The following PPP4R1 variants were observed in gnomAD, a reference collection of about 807,000 sequenced individuals.
PPP4R1 encodes the protein serine/threonine-protein phosphatase 4 regulatory subunit 1.
A neutral mutation model predicts 111.2 loss-of-function variants in PPP4R1; 42 were observed. That is an observed-to-expected ratio of 0.38 (90% confidence interval 0.29 to 0.49). PPP4R1 has a LOEUF of 0.49. PPP4R1 is among the 20% of genes least tolerant of loss of function. PPP4R1 has a pLI of 0.97. For missense variants in PPP4R1, 1,012 were observed against 1,161.6 expected (o/e 0.87, Z 1.87); for synonymous variants, 409 against 405.5 (o/e 1.01, Z -0.10).
intron 14 of PPP4R1, among the ~76,000 whole-genome samples, chr18:9,557,829 A>G (rs2066612447): frequency 6.6e-6 from 1 of 152,170 alleles, no homozygotes. Context: ...AGCACTAAGC[A>G]CATGCTAGAA....
chr18:9,566,648 GACACACACACAC>G (rs56772611), intron 11 of PPP4R1, among the ~76,000 whole-genome samples: 11,345 of 144,174 alleles, frequency 0.079, 620 homozygotes, highest in African/African-American at 0.16. Context: ...GAGGCGCTGT[GACACACACACAC>G]ACACACACAC....
intron 12 of PPP4R1, 53 bp from the exon 13 acceptor site, chr18:9,562,128 TTAAGCTATCTTAC>T: frequency 7.5e-7 from 1 of 1,325,346 alleles, no homozygotes. Context: ...ACATCTTCAT[TTAAGCTATCTTAC>T]TAAGTTACTT....
At chr18:9,605,832 T>C (rs2067472739) in intron 2 of PPP4R1, among the ~76,000 whole-genome samples, 1 of 152,144 alleles carries the variant, frequency 6.6e-6, no homozygotes. Context: ...ATTTCATTAC[T>C]ATGATTGTAA....
chr18:9,579,110 T>C (rs1301073191), intron 9 of PPP4R1, among the ~76,000 whole-genome samples: 2 of 152,192 alleles, frequency 1.3e-5, no homozygotes, highest in African/African-American at 4.8e-5. Flanking sequence ...TTCTTCAGTG[T>C]TACCCTATAG....
chr18:9,552,843 T>C (rs1197666011), intron 16 of PPP4R1, among the ~76,000 whole-genome samples: 1 of 152,174 alleles, frequency 6.6e-6, no homozygotes, highest in Non-Finnish European at 1.5e-5. Flanking sequence ...CAGGTTCAGC[T>C]AGAGGATACA....
chr18:9,596,527 T>C (rs1242180578), intron 2 of PPP4R1, among the ~76,000 whole-genome samples: 1 of 152,216 alleles, frequency 6.6e-6, no homozygotes, highest in Non-Finnish European at 1.5e-5. Flanking sequence ...CCAGGATATT[T>C]CCAGGCACAA....
In PPP4R1 at chr18:9,557,326, T is replaced by A; in HGVS notation, c.2085A>T (p.Gly695=). The A allele has an allele frequency of 6.2e-7, 1 of 1,611,280 alleles. No homozygotes were observed. Among genetic ancestry groups the A allele is most frequent in the Non-Finnish European group, 8.5e-7 (1 of 1,179,290 alleles). ...CCAGATCTGCAGCTGTCAATTGATC[T>A]CCAAGAATAACTGCAAGCTCGTGGA... ...FSIHELAVIL[G]DQLTAADLVP... Residue 695 remains glycine, a synonymous_variant, in exon 15 of 20, where the codon GGA becomes GGT. Coordinates refer to ENST00000400556, the MANE Select transcript of PPP4R1 (RefSeq NM_001042388.3).
chr18:9,551,868 G>C (rs1180888669), intron 16 of PPP4R1: 1 of 152,362 alleles, frequency 6.6e-6, no homozygotes, highest in Non-Finnish European at 1.5e-5. Flanking sequence ...TGGTACCCCA[G>C]CTGCCACCCT....
In PPP4R1 at chr18:9,581,890, T is replaced by C. The variant is rs545548903; in HGVS notation, c.918+1227A>G. Among the ~76,000 whole-genome samples the C allele has an allele frequency of 2.6e-5, 4 of 152,194 alleles. No individual in the cohort carries two copies. In the East Asian group the frequency reaches 5.8e-4, roughly 22 times the overall value. ...ATATGATTAACCGCTGACTTCACAG[T>C]AGAAACAGAAGAGGTCTGAGGCAGT... On this transcript the variant is annotated intron_variant, in intron 9 of 19. Coordinates refer to ENST00000400556, the MANE Select transcript of PPP4R1 (RefSeq NM_001042388.3).
At chr18:9,589,465 G>A (rs1021380319) in intron 4 of PPP4R1, among the ~76,000 whole-genome samples, 1 of 152,112 alleles carries the variant, frequency 6.6e-6, no homozygotes, top group Non-Finnish European at 1.5e-5. Flanking sequence ...AGCAACAGTA[G>A]GAAAATCAGC....
intron 14 of PPP4R1, among the ~76,000 whole-genome samples, chr18:9,558,762 A>T (rs2066627732): frequency 6.6e-6 from 1 of 151,670 alleles, no homozygotes; most frequent in South Asian, 2.1e-4. Flanking sequence ...GTGTTCAAAG[A>T]GGGGCAAACT....
At position 9,614,274 on chromosome 18, in the gene PPP4R1, C is replaced by G; in HGVS notation, c.8-4G>C. 7.6e-7 allele frequency: 1 copy of G among 1,320,762 alleles called. No individual in the cohort carries two copies. The highest frequency in any genetic ancestry group is 9.8e-7 in the Non-Finnish European group (1 of 1,022,526). The allele number at this position is 1,320,762 out of a possible 1,614,324, so 81.8% of individuals were successfully genotyped here. A position where few individuals can be genotyped will look rare whatever the true frequency, so the allele number is the denominator to read the frequency against. Reference sequence around the variant, plus strand: ...TCCTCCTGAAGCAGCGAGAGGTCTGCGCCGAGGGGAGAGAAGAAAGGCCCG... The same window carrying G: ...TCCTCCTGAAGCAGCGAGAGGTCTGGGCCGAGGGGAGAGAAGAAAGGCCCG... On this transcript the variant is annotated splice_region_variant and splice_polypyrimidine_tract_variant and intron_variant, in intron 1 of 19. Coordinates refer to ENST00000400556, the MANE Select transcript of PPP4R1 (RefSeq NM_001042388.3). The surrounding 1 kb of genome is among the most constrained non-coding windows in gnomAD (Gnocchi z 4.1).
At chr18:9,616,153 G>C (rs2067685817), upstream of PPP4R1, among the ~76,000 whole-genome samples, 1 of 151,930 alleles carries the variant, frequency 6.6e-6, no homozygotes, top group South Asian at 2.1e-4. Flanking sequence ...GGTCCCAACT[G>C]ACTCAAACCA....
chr18:9,591,376 G>T (rs1327768864), intron 4 of PPP4R1, among the ~76,000 whole-genome samples: 5 of 151,672 alleles, frequency 3.3e-5, no homozygotes, highest in African/African-American at 4.8e-5. Context: ...CAAATAGCCA[G>T]TAAGTGTATA....
At chr18:9,613,653 A>T (rs899484217) in intron 2 of PPP4R1, 3 of 152,214 alleles carry the variant, frequency 2.0e-5, no homozygotes, top group African/African-American at 7.2e-5. Context: ...CCTTCTCGTA[A>T]TCCACTAATC....
chr18:9,588,779 T>C lies in PPP4R1; in HGVS notation c.370A>G (p.Ile124Val), dbSNP rs947229923. ...AAGAATTTTGAAAAAGCATATGGTA[T>C]TGAAGGCCGGTTTTCTTGACAAAAC... ...ALFCQENRPS[I>V]PYAFSKFLLP... The change falls in exon 5 of 20, where the codon ATA (isoleucine) becomes GTA (valine). Residue 124 changes from isoleucine to valine, a missense_variant. Coordinates refer to ENST00000400556, the MANE Select transcript of PPP4R1 (RefSeq NM_001042388.3). The C allele has an allele frequency of 1.2e-6, 2 of 1,614,098 alleles. No homozygotes were observed. The highest frequency in any genetic ancestry group is 1.7e-5 in the Admixed American group (1 of 60,016).
chr18:9,580,570 T>C (rs1192458548), intron 9 of PPP4R1, among the ~76,000 whole-genome samples: 2 of 152,138 alleles, frequency 1.3e-5, no homozygotes, highest in Non-Finnish European at 2.9e-5. Context: ...CAGGATGGTC[T>C]TGATCTCCTG....
chr18:9,568,212 T>C (rs1159019767), intron 11 of PPP4R1, among the ~76,000 whole-genome samples: 1 of 152,046 alleles, frequency 6.6e-6, no homozygotes, highest in Non-Finnish European at 1.5e-5. Context: ...TTTTTAGAGA[T>C]GGGGGTCTTG....
chr18:9,552,905 G>C (rs2066511881), intron 16 of PPP4R1, among the ~76,000 whole-genome samples: 1 of 152,108 alleles, frequency 6.6e-6, no homozygotes, highest in Non-Finnish European at 1.5e-5. Context: ...AGCACAAAAG[G>C]CCATGTGTTA....
Sources: allele counts gnomAD v4.1 joint callset (sites outside exome capture counted in the v4.1 genomes callset), GRCh38; gene constraint gnomAD v4.1.1; non-coding constraint Gnocchi (gnomAD v3.1); transcripts MANE v1.5; gene names NCBI Gene and HGNC (gene_info 2026-07-23, HGNC 2026-07-21).